Variants in MTHFS observed in about 807,000 individuals in gnomAD.
MTHFS encodes methenyltetrahydrofolate synthetase, also known as 5-formyltetrahydrofolate cyclo-ligase.
MTHFS carries 7 observed loss-of-function variants against 12.7 expected under a neutral mutation model. That is an observed-to-expected ratio of 0.55 (90% CI 0.31 to 1.03). MTHFS has a LOEUF of 1.03. MTHFS is among the 50% of genes least tolerant of loss of function. The pLI, the probability that MTHFS is intolerant of heterozygous loss-of-function variation, is 0.05. For missense variants in MTHFS, 252 were observed against 258.1 expected (o/e 0.98, Z 0.16); for synonymous variants, 100 against 97.1 (o/e 1.03, Z -0.18).
At chr15:79,895,479 C>G (rs2141383229) in intron 1 of MTHFS, among the ~76,000 whole-genome samples, 1 of 152,298 alleles carries the variant, frequency 6.6e-6, no homozygotes, top group Non-Finnish European at 1.5e-5. Flanking sequence ...ACAATCATAT[C>G]TTTTTCATCT....
intron 2 of MTHFS, among the ~76,000 whole-genome samples, chr15:79,849,576 T>G (rs1596060693): frequency 6.6e-6 from 1 of 152,140 alleles, no homozygotes; most frequent in East Asian, 1.9e-4. Context: ...AGGTCAGAAT[T>G]CAATAGGGGA....
In MTHFS at chr15:79,883,352, C is replaced by T. The variant is rs539020122; in HGVS notation, c.379+5741G>A. 1.9e-3 allele frequency among the ~76,000 whole-genome samples: 294 copies of T among 152,316 alleles called. 1 individual carries two copies. The Middle Eastern group carries it at 0.044, about 23-fold the overall frequency. On this transcript the variant is annotated intron_variant, in intron 2 of 2. Transcript: ENST00000258874. ...TAATCTATTCATTTATACAGGCACG[C>T]TTTGAATTCAAAACTGTTAGCTTCA...
chr15:79,892,997 A>G (rs966362440), intron 1 of MTHFS, among the ~76,000 whole-genome samples: 8 of 152,200 alleles, frequency 5.3e-5, no homozygotes, highest in Non-Finnish European at 7.3e-5. Context: ...AGTGCTTTAC[A>G]TATTTTTGTA....
intron 2 of MTHFS, among the ~76,000 whole-genome samples, chr15:79,870,764 A>G (rs2034088523): frequency 6.6e-6 from 1 of 152,236 alleles, no homozygotes; most frequent in South Asian, 2.1e-4. Context: ...TCGAATGTCA[A>G]TGAAAAAAAT....
At chr15:79,858,569 T>A (rs1260632934) in intron 2 of MTHFS, among the ~76,000 whole-genome samples, 1 of 152,124 alleles carries the variant, frequency 6.6e-6, no homozygotes, top group Non-Finnish European at 1.5e-5. Flanking sequence ...TCCCTTCCAA[T>A]TCAGATAATC....
chr15:79,850,081 C>T (rs2033687339), intron 2 of MTHFS, among the ~76,000 whole-genome samples: 1 of 152,254 alleles, frequency 6.6e-6, no homozygotes, highest in African/African-American at 2.4e-5. Context: ...TTTGTTTTCT[C>T]ATCCGTAAAA....
chr15:79,853,176 G>T (rs2033744593), intron 2 of MTHFS, among the ~76,000 whole-genome samples: 1 of 152,182 alleles, frequency 6.6e-6, no homozygotes. Flanking sequence ...AAGTATTAAA[G>T]AACAGGAGAC....
At chr15:79,859,741 C>T (rs997416979) in intron 2 of MTHFS, among the ~76,000 whole-genome samples, 3 of 150,220 alleles carry the variant, frequency 2.0e-5, no homozygotes, top group African/African-American at 7.4e-5. Flanking sequence ...TTGCTTGAAC[C>T]CAGGAGGCAG....
chr15:79,867,202 T>C (rs1290046353), intron 2 of MTHFS, among the ~76,000 whole-genome samples: 1 of 152,182 alleles, frequency 6.6e-6, no homozygotes, highest in Non-Finnish European at 1.5e-5. Context: ...AGAGCTATCA[T>C]CACTATCTTT....
At chr15:79,896,440 C>T (rs573668226) in intron 1 of MTHFS, among the ~76,000 whole-genome samples, 32 of 152,330 alleles carry the variant, frequency 2.1e-4, no homozygotes, top group African/African-American at 7.5e-4. Context: ...TTACTCGTAG[C>T]TCATTAACTT....
chr15:79,855,409 A>T (rs1255765788), intron 2 of MTHFS, among the ~76,000 whole-genome samples: 1 of 152,184 alleles, frequency 6.6e-6, no homozygotes, highest in African/African-American at 2.4e-5. Context: ...AATGAAACAG[A>T]GAAGACATTA....
intron 2 of MTHFS, among the ~76,000 whole-genome samples, chr15:79,856,234 A>G (rs1464952537): frequency 2.0e-5 from 3 of 152,104 alleles, no homozygotes; most frequent in Non-Finnish European, 4.4e-5. Context: ...ATGGTAGCTC[A>G]CTGTGGTTTT....
chr15:79,893,895 T>C (rs1291579996), intron 1 of MTHFS, among the ~76,000 whole-genome samples: 1 of 152,106 alleles, frequency 6.6e-6, no homozygotes, highest in African/African-American at 2.4e-5. Context: ...CTCTGATAAA[T>C]TTCTAAGTTA....
chr15:79,866,606 C>T (rs2034015109), intron 2 of MTHFS, among the ~76,000 whole-genome samples: 1 of 152,194 alleles, frequency 6.6e-6, no homozygotes, highest in African/African-American at 2.4e-5. Flanking sequence ...CGTGCATACA[C>T]AGAACACGAG....
At chr15:79,850,325 C>T (rs1023586970) in intron 2 of MTHFS, among the ~76,000 whole-genome samples, 2 of 152,006 alleles carry the variant, frequency 1.3e-5, no homozygotes, top group African/African-American at 4.8e-5. Flanking sequence ...AGGGGTTCAG[C>T]AGAGCCAAAA....
At position 79,874,578 on chromosome 15, in the gene MTHFS, A is replaced by T. The variant is rs571939766; in HGVS notation, c.379+14515T>A. 6.6e-5 allele frequency among the ~76,000 whole-genome samples: 10 copies of T among 152,248 alleles called. No individual in the cohort carries two copies. In the East Asian group the frequency reaches 1.7e-3, roughly 26 times the overall value. On this transcript the variant is annotated intron_variant, in intron 2 of 2. Transcript: ENST00000258874. ...AAAAAGCCCTAGCCCTAGGACATTT[A>T]TTTTAAAAATCAATGGCAATTGTTT...
intron 2 of MTHFS, among the ~76,000 whole-genome samples, chr15:79,852,109 C>CA (rs1341363027): frequency 2.0e-5 from 3 of 152,322 alleles, no homozygotes; most frequent in African/African-American, 7.2e-5. Flanking sequence ...TTCCATCAAA[C>CA]ATGCTTCTAA....
At chr15:79,846,444 T>C (rs2033617245) in intron 2 of MTHFS, among the ~76,000 whole-genome samples, 1 of 152,058 alleles carries the variant, frequency 6.6e-6, no homozygotes, top group African/African-American at 2.4e-5. Context: ...TATACCAGGG[T>C]TGGAAGCCAT....
chr15:79,861,412 C>A (rs2141350756), intron 2 of MTHFS, among the ~76,000 whole-genome samples: 1 of 152,296 alleles, frequency 6.6e-6, no homozygotes, highest in South Asian at 2.1e-4. Flanking sequence ...GGCTACCACA[C>A]AACTGGTAGT....
Sources: allele counts gnomAD v4.1 joint callset (sites outside exome capture counted in the v4.1 genomes callset), GRCh38; gene constraint gnomAD v4.1.1; transcripts MANE v1.5; gene names NCBI Gene and HGNC (gene_info 2026-07-23, HGNC 2026-07-21).